Variants in TENT2 observed in about 807,000 individuals in gnomAD.
The protein encoded by TENT2 is poly(A) RNA polymerase GLD2.
In TENT2, 44 loss-of-function variants were observed where a neutral mutation model predicts 72.2. That is an observed-to-expected ratio of 0.61 (90% CI 0.48 to 0.78). TENT2 has a LOEUF of 0.78. Among genes scored for constraint, TENT2 ranks in the 30% least tolerant of loss-of-function variants. The pLI, the probability that TENT2 is intolerant of heterozygous loss-of-function variation, is 0.00. For synonymous variants in TENT2, 212 were observed against 192.5 expected (o/e 1.10, Z -0.84); for missense variants, 541 against 569.6 (o/e 0.95, Z 0.51).
intron 1 of TENT2, among the ~76,000 whole-genome samples, chr5:79,613,372 A>G (rs895647319): frequency 6.6e-6 from 1 of 152,232 alleles, no homozygotes; most frequent in Admixed American, 6.5e-5. Context: ...AGAAGAAACA[A>G]AGGGAAACTG....
intron 9 of TENT2, 39 bp from the exon 10 acceptor site, chr5:79,649,023 A>G (rs771185920): frequency 1.9e-6 from 3 of 1,599,162 alleles, no homozygotes. Context: ...AAGAAACTAT[A>G]ACGTCTCTTA....
chr5:79,614,091 C>CTTTTTTTTTT (rs530001400), intron 1 of TENT2: 1 of 78,456 alleles, frequency 1.3e-5, no homozygotes, highest in Non-Finnish European at 2.3e-5. Context: ...AGGAATTAAT[C>CTTTTTTTTTT]TTTTTTTTTT....
intron 4 of TENT2, among the ~76,000 whole-genome samples, chr5:79,625,885 A>G (rs1769231193): frequency 1.3e-5 from 2 of 151,516 alleles, no homozygotes; most frequent in Admixed American, 6.6e-5. Flanking sequence ...GCTGGAGTGC[A>G]GTGGTGCGAT....
Position 79,640,946 on chromosome 5 carries a change from A to G in TENT2, c.561A>G (p.Glu187=). The change falls in exon 5 of 15, where the codon GAA becomes GAG. Residue 187 remains glutamate (E), a synonymous_variant. Coordinates refer to ENST00000453514, the MANE Select transcript of TENT2 (RefSeq NM_001114394.3). ...KELCRTQLQR[E]IQLLFPQSRL... ...TCTGTCGAACACAGCTGCAGAGAGA[A>G]ATTCAGCTGTTATTTCCACGTATGT... The G allele has an allele frequency of 6.2e-7, 1 of 1,607,430 alleles. No homozygotes were observed. The highest frequency in any genetic ancestry group is 1.7e-5 in the Admixed American group (1 of 58,822).
At chr5:79,679,453 A>G in intron 12 of TENT2, 126 bp from the exon 13 acceptor site, 1 of 458,534 alleles carries the variant, frequency 2.2e-6, no homozygotes, top group Non-Finnish European at 3.7e-6. Context: ...TGTGGTGCTG[A>G]GGGTTGGGGC....
chr5:79,680,611 C>T (rs1820915718), intron 13 of TENT2, among the ~76,000 whole-genome samples: 1 of 152,122 alleles, frequency 6.6e-6, no homozygotes, highest in Admixed American at 6.5e-5. Context: ...TTTGACCTTT[C>T]CATCAGACTC....
chr5:79,656,466 C>A (rs1798043219), intron 10 of TENT2, among the ~76,000 whole-genome samples: 1 of 151,554 alleles, frequency 6.6e-6, no homozygotes, highest in African/African-American at 2.4e-5. Flanking sequence ...ATCAGTTTTC[C>A]TGAACGATTT....
chr5:79,666,338 G>A (rs1426691689), intron 11 of TENT2, among the ~76,000 whole-genome samples: 9 of 151,348 alleles, frequency 5.9e-5, no homozygotes, highest in Admixed American at 5.3e-4. Flanking sequence ...TTTCTGTAAT[G>A]TGAATGATCA....
At chr5:79,620,145 G>A in intron 3 of TENT2, 62 bp downstream of exon 3, 1 of 1,156,254 alleles carries the variant, frequency 8.6e-7, no homozygotes. Flanking sequence ...CTGTAATGAT[G>A]TATCTTGAAT....
chr5:79,619,544 A>AACAAT, intron 1 of TENT2, 68 bp from the exon 2 acceptor site: 3 of 1,143,852 alleles, frequency 2.6e-6, no homozygotes, highest in Non-Finnish European at 3.6e-6. Context: ...TTAGTGGATA[A>AACAAT]TAGTTATCAA....
intron 12 of TENT2, among the ~76,000 whole-genome samples, chr5:79,675,508 G>A (rs1048119963): frequency 7.9e-5 from 12 of 152,188 alleles, no homozygotes; most frequent in African/African-American, 2.7e-4. Flanking sequence ...AGACAGTACG[G>A]TTGGGGGTAG....
In TENT2 at chr5:79,612,632, G is replaced by C. The variant is rs1344341208; in HGVS notation, c.-481G>C. The C allele has an allele frequency of 6.5e-6, 1 of 153,182 alleles. No individual in the cohort carries two copies. Among genetic ancestry groups the C allele is most frequent in the African/African-American group, 2.4e-5 (1 of 41,448 alleles). 9.5% of individuals were successfully genotyped at this position (153,182 alleles called of 1,614,324 possible). On this transcript the variant is annotated 5_prime_UTR_variant, in exon 1 of 15. Coordinates refer to ENST00000453514, the MANE Select transcript of TENT2 (RefSeq NM_001114394.3). ...TAGATCTCAGCCGGAGCCGGAGCTG[G>C]GCCTAGCTGTCCCACGGGCCACCAC...
intron 4 of TENT2, among the ~76,000 whole-genome samples, chr5:79,637,360 G>A (rs1454059019): frequency 2.0e-5 from 3 of 151,738 alleles, no homozygotes; most frequent in Non-Finnish European, 4.4e-5. Context: ...TACCTCTTTC[G>A]AGATTCCATT....
intron 10 of TENT2, among the ~76,000 whole-genome samples, chr5:79,654,803 T>C (rs2150264690): frequency 6.6e-6 from 1 of 152,208 alleles, no homozygotes; most frequent in Middle Eastern, 3.4e-3. Context: ...AAGTTGTTCT[T>C]GCGCTTTCAA....
Position 79,668,908 on chromosome 5 carries a change from C to T in TENT2, c.1088C>T (p.Ala363Val), listed in dbSNP as rs1262019520. The T allele has an allele frequency of 9.3e-6, 15 of 1,612,586 alleles. No homozygotes were observed. The highest frequency in any genetic ancestry group is 1.3e-5 in the African/African-American group (1 of 74,896). ...TTTTGACAGGAGTCTTTTAGTCCTG[C>T]TATACAGCTGCACCTTGTACATCAA... ...QKIYPESFSP[A>V]IQLHLVHQAP... Residue 363 changes from alanine to valine, a missense_variant, in exon 12 of 15, where the codon GCT (alanine) becomes GTT (valine). Physicochemically the swap from Ala to Val is moderately conservative, Grantham distance 64. Transcript: ENST00000453514.
intron 4 of TENT2, among the ~76,000 whole-genome samples, chr5:79,638,474 C>T (rs1781936567): frequency 1.3e-5 from 2 of 152,078 alleles, no homozygotes; most frequent in South Asian, 4.1e-4. Context: ...GGAAGGGAAC[C>T]TCATTTTGTT....
At chr5:79,626,959 G>A (rs1235071907) in intron 4 of TENT2, among the ~76,000 whole-genome samples, 3 of 151,588 alleles carry the variant, frequency 2.0e-5, no homozygotes, top group Admixed American at 1.3e-4. Context: ...GTGAAACCCC[G>A]TCTCTACTAA....
At chr5:79,672,320 C>A (rs1173967141) in intron 12 of TENT2, among the ~76,000 whole-genome samples, 1 of 152,028 alleles carries the variant, frequency 6.6e-6, no homozygotes, top group East Asian at 1.9e-4. Context: ...ACAAACAATC[C>A]AGTTATCCTG....
chr5:79,678,269 A>G (rs146151902), intron 12 of TENT2, among the ~76,000 whole-genome samples: 197 of 152,340 alleles, frequency 1.3e-3, no homozygotes, highest in Non-Finnish European at 2.1e-3. Context: ...TATAGAAATT[A>G]ATCAAATTTC....
Sources: allele counts gnomAD v4.1 joint callset (sites outside exome capture counted in the v4.1 genomes callset), GRCh38; gene constraint gnomAD v4.1.1; transcripts MANE v1.5; gene names NCBI Gene and HGNC (gene_info 2026-07-23, HGNC 2026-07-21).